Variants in DGKI observed in about 807,000 individuals in gnomAD.
DGKI encodes the protein DAG kinase iota.
DGKI carries 55 observed loss-of-function variants against 147.5 expected under a neutral mutation model. The ratio of observed to expected loss-of-function variants is 0.37; its 90% CI spans 0.30 to 0.47. The LOEUF (loss-of-function observed/expected upper bound fraction) is 0.47. Among genes scored for constraint, DGKI ranks in the 20% least tolerant of loss-of-function variants. DGKI has a pLI of 1.00. For synonymous variants in DGKI, 469 were observed against 477.1 expected, an observed-to-expected ratio of 0.98 and a Z score of 0.22; for missense variants, 1,007 against 1,323.8, an observed-to-expected ratio of 0.76 and a Z score of 3.71.
rs1585566013 is a variant in DGKI, at chr7:137,846,735, G to T, written c.128C>A (p.Ala43Asp). The T allele has an allele frequency of 2.0e-6, 2 of 1,010,292 alleles. No individual in the cohort carries two copies. The highest frequency in any genetic ancestry group is 5.9e-5 in the Admixed American group (1 of 16,850). The allele number at this position is 1,010,292 out of a possible 1,614,324, so 62.6% of individuals were successfully genotyped here. ...PPGPCSGAAC[A>D]PSAAAGAGAM... ...GCCCGCTCCGGCGGCCGCGGAGGGAGCGCAGGCGGCGCCGCTGCAGGGGCC... is the reference window on the plus strand; with the variant it reads ...GCCCGCTCCGGCGGCCGCGGAGGGATCGCAGGCGGCGCCGCTGCAGGGGCC... The change falls in exon 1 of 33, where the codon GCT becomes GAT. Residue 43 changes from alanine (A) to aspartate (D), a missense_variant. Physicochemically the swap from Ala to Asp is moderately radical, Grantham distance 126. Transcript: ENST00000614521. This position sits in a 1 kb window ranked among gnomAD's most constrained non-coding sequence, Gnocchi z 4.0.
At position 137,576,882 on chromosome 7, in the gene DGKI, C is replaced by A. The variant is rs184465352; in HGVS notation, c.1761+340G>T. 1.7e-4 allele frequency among the ~76,000 whole-genome samples: 26 copies of A among 152,304 alleles called. No homozygotes were observed. In the East Asian group the frequency reaches 5.0e-3, roughly 29 times the overall value. On this transcript the variant is annotated intron_variant, in intron 17 of 32. Coordinates refer to ENST00000614521, the MANE Select transcript of DGKI (RefSeq NM_001321708.2). ...TTTTTTTTTATAAAGGTCTTCCTGACCCCACCATAGTCAGAGTTATCACTT... is the reference window on the plus strand; with the variant it reads ...TTTTTTTTTATAAAGGTCTTCCTGAACCCACCATAGTCAGAGTTATCACTT...
At chr7:137,401,707 A>G (rs1811768143) in intron 30 of DGKI, among the ~76,000 whole-genome samples, 1 of 152,154 alleles carries the variant, frequency 6.6e-6, no homozygotes, top group African/African-American at 2.4e-5. Flanking sequence ...CTCAATAGAA[A>G]AGGAAATCTC....
intron 19 of DGKI, among the ~76,000 whole-genome samples, chr7:137,561,623 A>T: frequency 6.6e-6 from 1 of 152,244 alleles, no homozygotes; most frequent in East Asian, 1.9e-4. Context: ...TATGCTAATT[A>T]TCCTGATTTG....
chr7:137,833,586 C>T (rs1725410021), intron 1 of DGKI, among the ~76,000 whole-genome samples: 1 of 152,192 alleles, frequency 6.6e-6, no homozygotes, highest in Admixed American at 6.5e-5. Flanking sequence ...AACCATATCA[C>T]AACCTATGCT....
At chr7:137,514,124 A>G (rs1816671192) in intron 21 of DGKI, among the ~76,000 whole-genome samples, 1 of 152,070 alleles carries the variant, frequency 6.6e-6, no homozygotes, top group African/African-American at 2.4e-5. Context: ...CAAAATGCCC[A>G]TGTTGGTCCT....
chr7:137,519,461 C>A (rs1002362883), intron 21 of DGKI, among the ~76,000 whole-genome samples: 1 of 152,032 alleles, frequency 6.6e-6, no homozygotes, highest in Admixed American at 6.6e-5. Flanking sequence ...TGCTACTGCT[C>A]TAGGTCAGTC....
At chr7:137,749,185 C>T (rs1020246258) in intron 1 of DGKI, among the ~76,000 whole-genome samples, 2 of 152,186 alleles carry the variant, frequency 1.3e-5, no homozygotes, top group Admixed American at 1.3e-4. Flanking sequence ...ATAACTCAGA[C>T]AGCTCCTCTG....
intron 21 of DGKI, among the ~76,000 whole-genome samples, chr7:137,488,812 G>A (rs1815660526): frequency 6.6e-6 from 1 of 152,220 alleles, no homozygotes; most frequent in Non-Finnish European, 1.5e-5. Context: ...CCACGTAGTA[G>A]AGAAGGCATA....
intron 20 of DGKI, among the ~76,000 whole-genome samples, chr7:137,524,344 G>C (rs1458310693): frequency 6.6e-6 from 1 of 152,150 alleles, no homozygotes; most frequent in Non-Finnish European, 1.5e-5. Flanking sequence ...TGTTATCTCT[G>C]TGTGGTGAAA....
In DGKI at chr7:137,638,640, A is replaced by ATACAAATATATGTATGTATATG. The variant is rs1563126060; in HGVS notation, c.804+6831_804+6832insCATATACATACATATATTTGTA. Among the ~76,000 whole-genome samples the ATACAAATATATGTATGTATATG allele has an allele frequency of 5.0e-5, 2 of 40,286 alleles. 1 individual carries two copies. The highest frequency in any genetic ancestry group is 2.9e-4 in the African/African-American group (2 of 7,010). 26.4% of individuals were successfully genotyped at this position (40,286 alleles called of 152,430 possible). On this transcript the variant is annotated intron_variant, in intron 6 of 32. Transcript: ENST00000614521. ...CACACACATATATATGTGTGTATAT[A>ATACAAATATATGTATGTATATG]TGTGTATGTATATACACACATATGT...
rs375444556 is a variant in DGKI at position 137,620,823 on chromosome 7, GA to G, written c.877-884del. Among the ~76,000 whole-genome samples the G allele has an allele frequency of 1.2e-4, 18 of 152,194 alleles. No homozygotes were observed. In the East Asian group the frequency reaches 3.5e-3, roughly 29 times the overall value. On this transcript the variant is annotated intron_variant, in intron 7 of 32. Transcript: ENST00000614521. ...TAATAACATTTATTTTTCTGAAAAA[GA>G]AAACTAAAATCAACATTATGCAATA...
chr7:137,581,980 GAGA>G, intron 14 of DGKI, 52 bp from the exon 15 acceptor site: 1 of 1,477,158 alleles, frequency 6.8e-7, no homozygotes, highest in Non-Finnish European at 9.4e-7. Flanking sequence ...CAGGCAGAAA[GAGA>G]AGAATAAAAC....
intron 1 of DGKI, among the ~76,000 whole-genome samples, chr7:137,699,487 T>C (rs1326572905): frequency 6.6e-6 from 1 of 152,222 alleles, no homozygotes; most frequent in Non-Finnish European, 1.5e-5. Context: ...TTAAAGGCAG[T>C]GAGGTCTAAT....
At chr7:137,574,504 G>A (rs948590233) in intron 17 of DGKI, among the ~76,000 whole-genome samples, 2 of 152,116 alleles carry the variant, frequency 1.3e-5, no homozygotes, top group Non-Finnish European at 2.9e-5. Context: ...AAATATTATT[G>A]TATTTAGAAC....
chr7:137,403,409 G>C (rs576042027), intron 30 of DGKI, among the ~76,000 whole-genome samples: 1 of 152,332 alleles, frequency 6.6e-6, no homozygotes, highest in African/African-American at 2.4e-5. Flanking sequence ...AGAGCCCATA[G>C]AAGAGAAATC....
At chr7:137,438,545 T>C (rs151003766) in intron 28 of DGKI, among the ~76,000 whole-genome samples, 1 of 152,296 alleles carries the variant, frequency 6.6e-6, no homozygotes, top group East Asian at 1.9e-4. Flanking sequence ...TAAATATGTG[T>C]ATAATCTACC....
intron 3 of DGKI, among the ~76,000 whole-genome samples, chr7:137,666,793 T>C (rs1822657187): frequency 6.6e-6 from 1 of 152,194 alleles, no homozygotes; most frequent in Non-Finnish European, 1.5e-5. Context: ...TCCAGCCTAA[T>C]GAACTTGAAG....
chr7:137,788,318 T>C (rs1426278047), intron 1 of DGKI, among the ~76,000 whole-genome samples: 1 of 152,040 alleles, frequency 6.6e-6, no homozygotes, highest in Admixed American at 6.6e-5. Flanking sequence ...TGTCCCAAGG[T>C]GAATCTTGCC....
intron 21 of DGKI, among the ~76,000 whole-genome samples, chr7:137,521,373 G>T (rs1025427394): frequency 6.6e-6 from 1 of 152,034 alleles, no homozygotes; most frequent in African/African-American, 2.4e-5. Flanking sequence ...CATCATCAAT[G>T]AATCACTTTA....
Sources: gnomAD v4.1 joint callset for allele counts (sites outside exome capture counted in the v4.1 genomes callset) on GRCh38, gnomAD v4.1.1 for gene constraint, Gnocchi (gnomAD v3.1) non-coding constraint, MANE v1.5 for transcripts, NCBI Gene and HGNC (gene_info 2026-07-23, HGNC 2026-07-21) for gene names.